Variants in GABRR2 observed in about 807,000 individuals in gnomAD.
GABRR2 encodes the protein gamma-aminobutyric acid type A receptor subunit rho2.
A neutral mutation model predicts 47.0 loss-of-function variants in GABRR2; 36 were observed. The observed-to-expected ratio is 0.77, with a 90% CI of 0.59 to 1.01. The LOEUF is 1.01. GABRR2 is among the 50% of genes least tolerant of loss of function. GABRR2 has a pLI of 0.00. For synonymous variants in GABRR2, 204 were observed against 227.5 expected (o/e 0.90, Z 0.93); for missense variants, 587 against 594.6 (o/e 0.99, Z 0.13).
chr6:89,259,871 A>AAC (rs1554195189), intron 8 of GABRR2, among the ~76,000 whole-genome samples: 2 of 86,250 alleles, frequency 2.3e-5, no homozygotes, highest in Non-Finnish European at 4.6e-5. Context: ...GTAAGAGGTC[A>AAC]TCTCTCTCTC....
Position 89,300,287 on chromosome 6 carries a change from A to T in GABRR2, c.114-422T>A, listed in dbSNP as rs556852951. Among the ~76,000 whole-genome samples the T allele has an allele frequency of 1.1e-4, 17 of 152,308 alleles. No homozygotes were observed. The East Asian group carries it at 3.1e-3, about 28-fold the overall frequency. On this transcript the variant is annotated intron_variant, in intron 1 of 8. Coordinates refer to ENST00000402938, the MANE Select transcript of GABRR2 (RefSeq NM_002043.5). ...CACTTTGGGAAGCTGAGGTGGGCAGATTGCTTGAGGTCATGAGTTTGAGAC... is the reference window on the plus strand; with the variant it reads ...CACTTTGGGAAGCTGAGGTGGGCAGTTTGCTTGAGGTCATGAGTTTGAGAC...
At chr6:89,305,623 C>T (rs1286198437) in intron 1 of GABRR2, among the ~76,000 whole-genome samples, 2 of 145,414 alleles carry the variant, frequency 1.4e-5, no homozygotes, top group Non-Finnish European at 3.0e-5. Context: ...GACCCTGTCT[C>T]ACACACACAC....
chr6:89,302,907 A>G (rs1257052261), intron 1 of GABRR2: 82 of 1,171,702 alleles, frequency 7.0e-5, no homozygotes, highest in Non-Finnish European at 8.9e-5. Flanking sequence ...CAAGCATCTC[A>G]GAGCAGTTCA....
chr6:89,282,958 G>A (rs1774275278), intron 2 of GABRR2, among the ~76,000 whole-genome samples: 1 of 152,232 alleles, frequency 6.6e-6, no homozygotes, highest in African/African-American at 2.4e-5. Context: ...CATCCTGTGT[G>A]CTGCACACGT....
intron 1 of GABRR2, among the ~76,000 whole-genome samples, chr6:89,305,713 C>T (rs1271274357): frequency 6.6e-6 from 1 of 152,142 alleles, no homozygotes; most frequent in Non-Finnish European, 1.5e-5. Context: ...TCAAATACCA[C>T]ATGTATTCTT....
chr6:89,280,105 A>T (rs1774229563), intron 2 of GABRR2, among the ~76,000 whole-genome samples: 2 of 151,686 alleles, frequency 1.3e-5, no homozygotes, highest in South Asian at 4.2e-4. Flanking sequence ...AGCTACTTGG[A>T]GGCTGAGGTA....
chr6:89,283,386 T>A (rs1774284214), intron 2 of GABRR2, among the ~76,000 whole-genome samples: 2 of 152,152 alleles, frequency 1.3e-5, no homozygotes, highest in Non-Finnish European at 2.9e-5. Context: ...AATTTAAATA[T>A]CCTTCAATAA....
rs79696235 is a variant in GABRR2, at chr6:89,258,168, C to G, written c.1087-187G>C. On this transcript the variant is annotated intron_variant, in intron 8 of 8. Transcript: ENST00000402938. ...GCATATTAGAATCATCTGCACAGCT[C>G]TTTAAACTGGCCATGCCCGGGCTGC... Among the ~76,000 whole-genome samples the G allele has an allele frequency of 1.6e-3, 249 of 152,362 alleles. 2 individuals are homozygous for G. Among genetic ancestry groups the G allele is most frequent in the African/African-American group, 5.8e-3 (240 of 41,584 alleles).
chr6:89,292,899 T>G (rs1774496850), intron 2 of GABRR2, among the ~76,000 whole-genome samples: 1 of 147,618 alleles, frequency 6.8e-6, no homozygotes, highest in African/African-American at 2.5e-5. Context: ...AAATGAGCTA[T>G]ATATATATAT....
In GABRR2 at chr6:89,268,121, G is replaced by A. The variant is rs1201566886; in HGVS notation, c.513-25C>T. On this transcript the variant is annotated intron_variant, in intron 4 of 8. Coordinates refer to ENST00000402938, the MANE Select transcript of GABRR2 (RefSeq NM_002043.5). ...CCTAGACAACCCAGAGTCACATATT[G>A]GCTTGTGCGGTGAATTATTGGCTCC... The A allele has an allele frequency of 1.9e-6, 3 of 1,569,808 alleles. No homozygotes were observed. The African/African-American group carries it at 4.1e-5, about 21-fold the overall frequency.
intron 6 of GABRR2, among the ~76,000 whole-genome samples, chr6:89,266,874 G>A (rs963391306): frequency 3.3e-5 from 5 of 151,730 alleles, no homozygotes; most frequent in Non-Finnish European, 7.4e-5. Context: ...AGGCTGGAGT[G>A]CAATGGCACA....
chr6:89,303,237 G>A (rs924380740), intron 1 of GABRR2: 16 of 362,986 alleles, frequency 4.4e-5, no homozygotes, highest in African/African-American at 2.1e-4. Context: ...TGTCACTCAC[G>A]CTAGGGCTCC....
At chr6:89,291,270 C>T (rs561752213) in intron 2 of GABRR2, among the ~76,000 whole-genome samples, 13 of 152,182 alleles carry the variant, frequency 8.5e-5, no homozygotes, top group East Asian at 5.8e-4. Flanking sequence ...GGGCCCAGCC[C>T]GTGCCCTGCA....
intron 1 of GABRR2, chr6:89,302,303 T>C: frequency 1.8e-6 from 1 of 563,688 alleles, no homozygotes; most frequent in Non-Finnish European, 3.6e-6. Context: ...GCCCAAGGTG[T>C]CACTGTGGTG....
Position 89,268,040 on chromosome 6 carries a change from T to TG in GABRR2, c.568dup (p.Gln190ProfsTer15). Reference sequence around the variant, plus strand: ...GCTCTCCAGCTCCAAAGAACAGGTCTGGGAGTCCAGGGGAAAGTGGCTGAA... The same window carrying TG: ...GCTCTCCAGCTCCAAAGAACAGGTCTGGGGAGTCCAGGGGAAAGTGGCTGAA... On this transcript the variant is annotated frameshift_variant, in exon 5 of 9. Coordinates refer to ENST00000402938, the MANE Select transcript of GABRR2 (RefSeq NM_002043.5). LOFTEE classifies it high-confidence loss of function. 1 of 1,612,230 alleles carries TG rather than the reference T, an allele frequency of 6.2e-7. No homozygotes were observed. The highest frequency in any genetic ancestry group is 8.5e-7 in the Non-Finnish European group (1 of 1,179,026).
chr6:89,261,194 C>T (rs1469746298), intron 8 of GABRR2, among the ~76,000 whole-genome samples: 1 of 152,090 alleles, frequency 6.6e-6, no homozygotes, highest in Non-Finnish European at 1.5e-5. Flanking sequence ...TTCAACTGCT[C>T]TATACAGGAA....
intron 1 of GABRR2, among the ~76,000 whole-genome samples, chr6:89,311,209 G>C (rs191799222): frequency 6.6e-6 from 1 of 152,344 alleles, no homozygotes; most frequent in Admixed American, 6.5e-5. Flanking sequence ...CGAGGGCTTA[G>C]CAGATCATAG....
chr6:89,261,803 C>A (rs555655912), intron 8 of GABRR2, among the ~76,000 whole-genome samples: 2 of 152,210 alleles, frequency 1.3e-5, no homozygotes, highest in East Asian at 3.9e-4. Flanking sequence ...TTTGGGAGGC[C>A]AAGGTGGGCA....
At chr6:89,303,119 G>T (rs1232100973) in intron 1 of GABRR2, 3 of 569,960 alleles carry the variant, frequency 5.3e-6, no homozygotes, top group African/African-American at 3.8e-5. Context: ...AAGTGAAGCT[G>T]CTTGCAGCTG....
Sources: allele counts gnomAD v4.1 joint callset (sites outside exome capture counted in the v4.1 genomes callset), GRCh38; gene constraint gnomAD v4.1.1; transcripts MANE v1.5; gene names NCBI Gene and HGNC (gene_info 2026-07-23, HGNC 2026-07-21).